Variants in PCDH19 observed in about 807,000 individuals in gnomAD.
The protein encoded by PCDH19 is protocadherin 19.
Under a neutral mutation model 46.2 loss-of-function variants are expected in PCDH19, and 6 were observed. The observed-to-expected ratio is 0.13, with a 90% CI of 0.07 to 0.26. The LOEUF (loss-of-function observed/expected upper bound fraction) is 0.26. Ranked by LOEUF, PCDH19 falls within the 10% of genes least tolerant of loss-of-function variation. PCDH19 has a pLI of 1.00. For synonymous variants in PCDH19, 481 were observed against 415.7 expected, an observed-to-expected ratio of 1.16 and a Z score of -1.91; for missense variants, 740 against 972.3, an observed-to-expected ratio of 0.76 and a Z score of 3.18.
At chrX:100,325,125 CTAGATAGATAGATAGATAGATAGA>C (rs58882829) in intron 5 of PCDH19, among the ~76,000 whole-genome samples, 1 of 91,442 alleles carries the variant, frequency 1.1e-5, no homozygotes, top group Non-Finnish European at 2.2e-5. Context: ...AGAAAAAATA[CTAGATAGATAGATAGATAGATAGA>C]TAGATAGATA....
At position 100,408,494 on chromosome X, in the gene PCDH19, G is replaced by T; in HGVS notation, c.104C>A (p.Ala35Asp). The T allele has an allele frequency of 8.3e-7, 1 of 1,202,604 alleles. No homozygotes were observed. Residue 35 changes from alanine (A) to aspartate (D), a missense_variant, in exon 1 of 6, where the codon GCC (alanine) becomes GAC (aspartate). Ala to Asp is a moderately radical substitution (Grantham distance 126). Transcript: ENST00000373034. ...GGCCACGTTGGCAATCACCGTCCCG[G>T]CGCGCTGCTCCTCTTCTACCGAGTA... ...LKYSVEEEQRAGTVIANVAKD... is the reference protein window; with the variant it reads ...LKYSVEEEQRDGTVIANVAKD...
chrX:100,378,715 G>C (rs1165287723), intron 3 of PCDH19, among the ~76,000 whole-genome samples: 1 of 112,470 alleles, frequency 8.9e-6, no homozygotes, highest in Admixed American at 9.4e-5. Context: ...ATCAGAAGGA[G>C]ATTAGCACTA....
intron 5 of PCDH19, among the ~76,000 whole-genome samples, chrX:100,304,449 GAC>G (rs747730045): frequency 1.8e-5 from 2 of 111,611 alleles, no homozygotes; most frequent in Non-Finnish European, 3.8e-5. Context: ...TCTTCTCTCT[GAC>G]ACAGTCTACA....
chrX:100,346,335 T>C (rs774657819), intron 4 of PCDH19, among the ~76,000 whole-genome samples: 142 of 112,448 alleles, frequency 1.3e-3, no homozygotes, highest in African/African-American at 4.4e-3. Flanking sequence ...GAATGATATC[T>C]GAGGCTAAGA....
rs1463956538 is a variant in PCDH19 at position 100,407,872 on chromosome X, G to A, written c.726C>T (p.Thr242=). ...NDNNPVFSES[T]YAVSVPENSP... ...AGTTTTCTGGCACGCTCACCGCGTA[G>A]GTGGACTCGCTAAACACCGGGTTGT... is the stretch of plus-strand genomic sequence containing the variant. The change falls in exon 1 of 6, where the codon ACC becomes ACT. Residue 242 remains threonine (T), a synonymous_variant. Coordinates refer to ENST00000373034, the MANE Select transcript of PCDH19 (RefSeq NM_001184880.2). 8.3e-7 allele frequency: 1 copy of A among 1,211,171 alleles called. No individual in the cohort carries two copies. The highest frequency in any genetic ancestry group is 1.1e-6 in the Non-Finnish European group (1 of 895,402).
At chrX:100,393,428 T>G (rs1927918696) in intron 3 of PCDH19, among the ~76,000 whole-genome samples, 1 of 108,835 alleles carries the variant, frequency 9.2e-6, no homozygotes, top group Non-Finnish European at 1.9e-5. Flanking sequence ...AATGTTCATT[T>G]TATTCCCTCC....
intron 4 of PCDH19, among the ~76,000 whole-genome samples, chrX:100,342,860 G>A (rs1358388354): frequency 1.8e-5 from 2 of 112,065 alleles, no homozygotes; most frequent in Non-Finnish European, 3.8e-5. Flanking sequence ...AGCGTGGAAG[G>A]TGTGATGTTT....
chrX:100,366,690 T>C (rs894266656), intron 3 of PCDH19, among the ~76,000 whole-genome samples: 1 of 112,625 alleles, frequency 8.9e-6, no homozygotes, highest in African/African-American at 3.2e-5. Context: ...TTAGGCACTT[T>C]AGAAGCAATT....
intron 5 of PCDH19, among the ~76,000 whole-genome samples, chrX:100,328,545 C>T (rs184653487): frequency 1.8e-5 from 2 of 111,582 alleles, no homozygotes; most frequent in East Asian, 5.6e-4. Context: ...ATCTAACCCC[C>T]TCAGGCAATC....
At chrX:100,299,375 A>G (rs1924708477) in intron 5 of PCDH19, among the ~76,000 whole-genome samples, 1 of 111,843 alleles carries the variant, frequency 8.9e-6, no homozygotes, top group African/African-American at 3.2e-5. Flanking sequence ...GAGTTTTTTA[A>G]TATGAAGTGA....
intron 3 of PCDH19, among the ~76,000 whole-genome samples, chrX:100,354,705 T>C (rs774363403): frequency 8.9e-6 from 1 of 111,827 alleles, no homozygotes; most frequent in African/African-American, 3.2e-5. Flanking sequence ...TTTGCATGAA[T>C]GTATTGGCTC....
chrX:100,296,497 G>A lies in PCDH19; in HGVS notation c.3227C>T (p.Pro1076Leu). The A allele has an allele frequency of 8.3e-7, 1 of 1,211,309 alleles. No individual in the cohort carries two copies. The highest frequency in any genetic ancestry group is 1.1e-6 in the Non-Finnish European group (1 of 895,283). Residue 1076 changes from proline to leucine, a missense_variant, in exon 6 of 6, where the codon CCC (proline) becomes CTC (leucine). Around this residue, in one of 5 missense-constraint regions of PCDH19, gnomAD observed 416 missense variants for 476.8 expected, o/e 0.87. Transcript: ENST00000373034. The stretch of plus-strand genomic sequence containing the variant: ...GGTGTAAGACACGGAAGGCTTGGTG[G>A]GCAGAGAGCTCTTGAGGTGGAGGGG... Reference protein sequence around the residue: ...TSPLHLKSSLPTKPSVSYTIA... With the variant: ...TSPLHLKSSLLTKPSVSYTIA...
At chrX:100,394,422 C>T (rs901709004) in intron 3 of PCDH19, among the ~76,000 whole-genome samples, 2 of 112,176 alleles carry the variant, frequency 1.8e-5, no homozygotes, top group Non-Finnish European at 3.8e-5. Flanking sequence ...AGCTCTTTCA[C>T]TTTCCAAAGT....
chrX:100,323,345 A>G (rs1361101750), intron 5 of PCDH19, among the ~76,000 whole-genome samples: 2 of 111,317 alleles, frequency 1.8e-5, no homozygotes, highest in African/African-American at 3.3e-5. Flanking sequence ...TCTCTTCCAA[A>G]CTGGAGGCAG....
rs761600343 is a variant in PCDH19 at position 100,407,515 on chromosome X, G to A, written c.1083C>T (p.Ser361=). 96 of 1,209,905 alleles carry A rather than the reference G, an allele frequency of 7.9e-5. No homozygotes were observed. The highest frequency in any genetic ancestry group is 1.0e-4 in the Non-Finnish European group (92 of 895,382). ...AGGCGATCACGTAGCCCGGGGGGGCGCTCTCGCTGACCTCCACAAGCTCAC... is the reference window on the plus strand; with the variant it reads ...AGGCGATCACGTAGCCCGGGGGGGCACTCTCGCTGACCTCCACAAGCTCAC... The part of the protein sequence containing the change: ...VNSELVEVSE[S]APPGYVIALV... Residue 361 remains serine (S), a synonymous_variant, in exon 1 of 6, where the codon AGC becomes AGT. Coordinates refer to ENST00000373034, the MANE Select transcript of PCDH19 (RefSeq NM_001184880.2).
chrX:100,353,037 C>T (rs770518158), intron 3 of PCDH19, among the ~76,000 whole-genome samples: 7 of 111,756 alleles, frequency 6.3e-5, no homozygotes, highest in Non-Finnish European at 1.3e-4. Context: ...GATAATAGAA[C>T]ATGAATCCAA....
intron 3 of PCDH19, among the ~76,000 whole-genome samples, chrX:100,385,647 C>T (rs2147520073): frequency 8.9e-6 from 1 of 112,176 alleles, no homozygotes; most frequent in Non-Finnish European, 1.9e-5. Context: ...GTAATCCCAG[C>T]ACTTTGGGAG....
Position 100,291,741 on chromosome X carries a change from G to A in PCDH19, c.*4536C>T, listed in dbSNP as rs190312060. 8.9e-6 allele frequency: 1 copy of A among 112,843 alleles called. No individual in the cohort carries two copies. Among genetic ancestry groups the A allele is most frequent in the East Asian group, 2.8e-4 (1 of 3,588 alleles). 9.3% of individuals were successfully genotyped at this position (112,843 alleles called of 1,213,427 possible). A position where few individuals can be genotyped will look rare whatever the true frequency, so the allele number is the denominator to read the frequency against. On this transcript the variant is annotated 3_prime_UTR_variant, in exon 6 of 6. Coordinates refer to ENST00000373034, the MANE Select transcript of PCDH19 (RefSeq NM_001184880.2). ...GGAAACAGAGAACCACCAGATAAAA[G>A]GAAACAATGTGGCAGATAACACCAT... is the stretch of plus-strand genomic sequence containing the variant.
chrX:100,318,445 A>G (rs1041820273), intron 5 of PCDH19, among the ~76,000 whole-genome samples: 1 of 112,277 alleles, frequency 8.9e-6, no homozygotes, highest in African/African-American at 3.2e-5. Context: ...AGCTAGCCTT[A>G]TCATTTGACC....
Sources: allele counts gnomAD v4.1 joint callset (sites outside exome capture counted in the v4.1 genomes callset), GRCh38; gene constraint gnomAD v4.1.1; regional missense constraint gnomAD v4.1.1; transcripts MANE v1.5; gene names NCBI Gene and HGNC (gene_info 2026-07-23, HGNC 2026-07-21).